The following DLEU7 variants were observed in gnomAD, a reference collection of about 807,000 sequenced individuals.
DLEU7 encodes deleted in lymphocytic leukemia 7, also known as leukemia-associated protein 7.
A neutral mutation model predicts 16.0 loss-of-function variants in DLEU7; 17 were observed. The observed-to-expected ratio is 1.06, with a 90% CI of 0.73 to 1.59. The LOEUF (loss-of-function observed/expected upper bound fraction) is 1.59. Among genes scored for constraint, DLEU7 ranks in the 40% most tolerant of loss-of-function variants. The probability of loss-of-function intolerance (pLI) is 0.00; values close to 1 mark genes in which losing one functional copy is unlikely to be tolerated. For synonymous variants in DLEU7, 113 were observed against 139.8 expected (o/e 0.81, Z 1.35); for missense variants, 308 against 314.9 (o/e 0.98, Z 0.17).
At chr13:50,729,183 C>T (rs951297635) in intron 1 of DLEU7, among the ~76,000 whole-genome samples, 3 of 152,048 alleles carry the variant, frequency 2.0e-5, no homozygotes, top group Admixed American at 1.3e-4. Flanking sequence ...CCTCCTCCCA[C>T]CCTCCACCCT....
At chr13:50,760,297 T>G (rs887919379) in intron 1 of DLEU7, among the ~76,000 whole-genome samples, 16 of 152,338 alleles carry the variant, frequency 1.1e-4, no homozygotes, top group African/African-American at 3.6e-4. Flanking sequence ...TTTGAATACT[T>G]TCAATTACAC....
chr13:50,731,111 G>A (rs1371623463), intron 1 of DLEU7, among the ~76,000 whole-genome samples: 1 of 152,148 alleles, frequency 6.6e-6, no homozygotes, highest in South Asian at 2.1e-4. Context: ...GTCACCTCCT[G>A]TGACCAGAGT....
At chr13:50,790,482 C>G (rs200290753) in intron 1 of DLEU7, among the ~76,000 whole-genome samples, 10 of 151,660 alleles carry the variant, frequency 6.6e-5, no homozygotes, top group African/African-American at 9.7e-5. Flanking sequence ...AAGGAGACCC[C>G]CGCTGCTTTT....
chr13:50,723,415 T>TACACACAC (rs35069706), intron 1 of DLEU7, among the ~76,000 whole-genome samples: 1 of 148,268 alleles, frequency 6.7e-6, no homozygotes, highest in Non-Finnish European at 1.5e-5. Context: ...ACAATAATTG[T>TACACACAC]ACACACACAC....
intron 1 of DLEU7, among the ~76,000 whole-genome samples, chr13:50,730,807 G>T (rs1354415310): frequency 1.3e-5 from 2 of 152,142 alleles, no homozygotes; most frequent in Non-Finnish European, 2.9e-5. Context: ...GATAAAAAAA[G>T]ATGGAGCAAA....
chr13:50,753,662 A>T (rs1009431204), intron 1 of DLEU7, among the ~76,000 whole-genome samples: 3 of 152,124 alleles, frequency 2.0e-5, no homozygotes, highest in African/African-American at 7.2e-5. Context: ...CACCGTGCGC[A>T]GCCCCAGTTC....
At chr13:50,774,353 C>G (rs1443570036) in intron 1 of DLEU7, among the ~76,000 whole-genome samples, 1 of 152,216 alleles carries the variant, frequency 6.6e-6, no homozygotes, top group African/African-American at 2.4e-5. Flanking sequence ...CTTCATCGAT[C>G]ACGCTGGGAG....
intron 1 of DLEU7, among the ~76,000 whole-genome samples, chr13:50,747,208 T>C (rs1022156229): frequency 5.3e-5 from 8 of 152,110 alleles, no homozygotes; most frequent in African/African-American, 1.7e-4. Flanking sequence ...CTGTAATCTG[T>C]CTGCAGGTTG....
At chr13:50,784,969 T>C (rs1199225927) in intron 1 of DLEU7, among the ~76,000 whole-genome samples, 2 of 152,164 alleles carry the variant, frequency 1.3e-5, no homozygotes, top group East Asian at 3.9e-4. Flanking sequence ...AGATTTAACA[T>C]AATTGGGCTT....
intron 1 of DLEU7, among the ~76,000 whole-genome samples, chr13:50,738,962 TACACACACACACACACACACACACACAC>T (rs55722607): frequency 1.4e-5 from 2 of 144,656 alleles, no homozygotes; most frequent in South Asian, 2.4e-4. Flanking sequence ...TAAAAAATAA[TACACACACACACACACACACACACACAC>T]ACACACACAC....
intron 1 of DLEU7, among the ~76,000 whole-genome samples, chr13:50,792,126 A>G (rs1875976854): frequency 6.6e-6 from 1 of 152,222 alleles, no homozygotes. Flanking sequence ...TAAATTGATA[A>G]CACTCAGAAC....
chr13:50,824,556 T>C, intron 1 of DLEU7, among the ~76,000 whole-genome samples: 1 of 152,132 alleles, frequency 6.6e-6, no homozygotes, highest in Non-Finnish European at 1.5e-5. Flanking sequence ...CTACCAATAC[T>C]ATGAAGAAAT....
chr13:50,752,052 C>CTTTTTTTTTTTTTTTTT (rs200928092), intron 1 of DLEU7, among the ~76,000 whole-genome samples: 1 of 135,738 alleles, frequency 7.4e-6, no homozygotes, highest in Admixed American at 7.7e-5. Flanking sequence ...CTCTTTCAGT[C>CTTTTTTTTTTTTTTTTT]TTTTTTTTTT....
intron 1 of DLEU7, among the ~76,000 whole-genome samples, chr13:50,718,416 T>C (rs1566227876): frequency 6.6e-6 from 1 of 152,174 alleles, no homozygotes; most frequent in South Asian, 2.1e-4. Context: ...TGATTGAACG[T>C]GAAGTCCTGT....
chr13:50,788,890 A>G (rs1009626685), intron 1 of DLEU7, among the ~76,000 whole-genome samples: 2 of 152,002 alleles, frequency 1.3e-5, no homozygotes, highest in Non-Finnish European at 2.9e-5. Flanking sequence ...CACCACACCA[A>G]CTGCATTTTA....
intron 1 of DLEU7, among the ~76,000 whole-genome samples, chr13:50,772,533 T>G (rs1354480325): frequency 1.3e-5 from 2 of 152,216 alleles, no homozygotes; most frequent in Admixed American, 6.5e-5. Flanking sequence ...GAAGCTTAGT[T>G]TGGCTGGATA....
intron 1 of DLEU7, among the ~76,000 whole-genome samples, chr13:50,753,198 AAAG>A (rs1874633770): frequency 6.6e-6 from 1 of 152,204 alleles, no homozygotes; most frequent in Non-Finnish European, 1.5e-5. Flanking sequence ...AGCTAGACAT[AAAG>A]GTTCTCCACA....
At chr13:50,812,482 A>G (rs1183654207) in intron 1 of DLEU7, among the ~76,000 whole-genome samples, 10 of 152,112 alleles carry the variant, frequency 6.6e-5, no homozygotes, top group Admixed American at 5.2e-4. Context: ...TTTAGTCTGT[A>G]TGTAGGGTAA....
At chr13:50,787,718 C>G (rs540209397) in intron 1 of DLEU7, among the ~76,000 whole-genome samples, 1 of 152,114 alleles carries the variant, frequency 6.6e-6, no homozygotes, top group Admixed American at 6.5e-5. Context: ...GCCCTCCCCC[C>G]CACCTTTAAC....
Sources: gnomAD v4.1 joint callset for allele counts (sites outside exome capture counted in the v4.1 genomes callset) on GRCh38, gnomAD v4.1.1 for gene constraint, MANE v1.5 for transcripts, NCBI Gene and HGNC (gene_info 2026-07-23, HGNC 2026-07-21) for gene names.